The following NOL4L variants were observed in gnomAD, a reference collection of about 807,000 sequenced individuals.
NOL4L encodes nucleolar protein 4-like.
Under a neutral mutation model 64.5 loss-of-function variants are expected in NOL4L, and 7 were observed. The ratio of observed to expected loss-of-function variants is 0.11; its 90% CI spans 0.06 to 0.20. The LOEUF is 0.20. NOL4L is among the 10% of genes least tolerant of loss of function. NOL4L has a pLI of 1.00. For synonymous variants in NOL4L, 413 were observed against 401.0 expected (o/e 1.03, Z -0.36); for missense variants, 680 against 967.1 (o/e 0.70, Z 3.94).
At chr20:32,461,130 C>T (rs2014003723) in intron 5 of NOL4L, among the ~76,000 whole-genome samples, 1 of 152,216 alleles carries the variant, frequency 6.6e-6, no homozygotes, top group Admixed American at 6.5e-5. Flanking sequence ...CTCGGCCCCA[C>T]AAGCAGTGGA....
intron 4 of NOL4L, among the ~76,000 whole-genome samples, chr20:32,501,008 A>C (rs2016902718): frequency 6.6e-6 from 1 of 152,216 alleles, no homozygotes; most frequent in African/African-American, 2.4e-5. Context: ...TCACCCTAAA[A>C]AAGGCAGAAC....
chr20:32,578,384 C>A (rs1235361556), intron 1 of NOL4L, among the ~76,000 whole-genome samples: 4 of 152,058 alleles, frequency 2.6e-5, no homozygotes, highest in African/African-American at 9.7e-5. Flanking sequence ...ATGGGCCTAG[C>A]CTCGTTCTCT....
Position 32,527,869 on chromosome 20 carries a change from C to A in NOL4L, c.366G>T (p.Arg122=). ...LSEPEGISLK[R]VAVVEDFFDI... ...CAAAGAAATCTTCCACCACAGCGAC[C>A]CGCTTCAGAGAGATGCCCTCTGGCT... Residue 122 remains arginine, a synonymous_variant, in exon 2 of 11, where the codon CGG becomes CGT. Coordinates refer to ENST00000621426, the MANE Select transcript of NOL4L (RefSeq NM_001256798.2). 2.6e-6 allele frequency: 4 copies of A among 1,550,624 alleles called. No homozygotes were observed. The highest frequency in any genetic ancestry group is 2.6e-6 in the Non-Finnish European group (3 of 1,146,984).
At chr20:32,490,905 C>T (rs1445729241) in intron 4 of NOL4L, among the ~76,000 whole-genome samples, 1 of 152,220 alleles carries the variant, frequency 6.6e-6, no homozygotes, top group Non-Finnish European at 1.5e-5. Flanking sequence ...CACTGGCCTG[C>T]TGGCCTTATT....
At chr20:32,518,747 C>T (rs2017788909) in intron 3 of NOL4L, among the ~76,000 whole-genome samples, 1 of 152,230 alleles carries the variant, frequency 6.6e-6, no homozygotes, top group African/African-American at 2.4e-5. Flanking sequence ...CACTAGGACA[C>T]ACACCCCTGG....
chr20:32,536,769 A>G, intron 1 of NOL4L, among the ~76,000 whole-genome samples: 2 of 115,212 alleles, frequency 1.7e-5, no homozygotes, highest in African/African-American at 3.2e-5. Context: ...TGCAGGGGGG[A>G]CGGCTCCGCG....
intron 1 of NOL4L, among the ~76,000 whole-genome samples, chr20:32,534,754 G>C (rs1041251995): frequency 6.6e-6 from 1 of 151,586 alleles, no homozygotes; most frequent in Non-Finnish European, 1.5e-5. Flanking sequence ...GGCGGCATTC[G>C]ACTGTAGTCC....
chr20:32,576,749 C>G (rs1431642901), intron 1 of NOL4L, among the ~76,000 whole-genome samples: 1 of 152,162 alleles, frequency 6.6e-6, no homozygotes, highest in Non-Finnish European at 1.5e-5. Context: ...CCGCCCAGGC[C>G]AGGCCTGCAG....
At chr20:32,559,411 G>C (rs997764082) in intron 1 of NOL4L, among the ~76,000 whole-genome samples, 2 of 152,198 alleles carry the variant, frequency 1.3e-5, no homozygotes, top group African/African-American at 4.8e-5. Context: ...ATTCTCTTCA[G>C]GTCAGAGTCT....
intron 4 of NOL4L, among the ~76,000 whole-genome samples, chr20:32,475,504 GCTT>G (rs2145484726): frequency 1.3e-5 from 2 of 152,364 alleles, no homozygotes; most frequent in East Asian, 3.9e-4. Context: ...CTCGCTGCCG[GCTT>G]CGGGCCGGCC....
At chr20:32,467,351 G>A (rs1289998550) in intron 5 of NOL4L, among the ~76,000 whole-genome samples, 2 of 152,178 alleles carry the variant, frequency 1.3e-5, no homozygotes, top group East Asian at 3.9e-4. Flanking sequence ...ATGTGGGTGG[G>A]GAGGGAGGGA....
chr20:32,560,668 G>A (rs551500530), intron 1 of NOL4L, among the ~76,000 whole-genome samples: 1 of 152,352 alleles, frequency 6.6e-6, no homozygotes, highest in South Asian at 2.1e-4. Context: ...ACTGAGGCTG[G>A]CAAGGTGGGG....
chr20:32,584,133 G>GCGCACACACA (rs1555811186), intron 1 of NOL4L, among the ~76,000 whole-genome samples: 11 of 88,822 alleles, frequency 1.2e-4, no homozygotes, highest in East Asian at 4.2e-4. Context: ...CTCCGCGCGC[G>GCGCACACACA]CACACACACA....
intron 1 of NOL4L, 87 bp from the exon 2 acceptor site, chr20:32,528,000 C>T (rs952374229): frequency 7.6e-5 from 52 of 686,960 alleles, no homozygotes; most frequent in East Asian, 1.4e-4. Context: ...GGGGTCAGGA[C>T]GGGCAATGCC....
chr20:32,485,350 G>C (rs1050340348), intron 4 of NOL4L, among the ~76,000 whole-genome samples: 1 of 151,990 alleles, frequency 6.6e-6, no homozygotes, highest in Non-Finnish European at 1.5e-5. Context: ...GGTAAACAAG[G>C]CTCCCTCTAC....
At chr20:32,510,108 A>AC in intron 4 of NOL4L, 4 of 429,900 alleles carry the variant, frequency 9.3e-6, no homozygotes, top group Non-Finnish European at 1.7e-5. Context: ...TGGAAACCCA[A>AC]CCCAAGCCCA....
chr20:32,572,960 T>A (rs1017334188), intron 1 of NOL4L, among the ~76,000 whole-genome samples: 1 of 152,084 alleles, frequency 6.6e-6, no homozygotes, highest in Non-Finnish European at 1.5e-5. Context: ...TTGTTTCCGA[T>A]GCTGAGCACT....
chr20:32,488,793 T>TCCTTTCTTTCTTTC (rs1304215016), intron 4 of NOL4L, among the ~76,000 whole-genome samples: 7 of 26,896 alleles, frequency 2.6e-4, no homozygotes, highest in Middle Eastern at 0.018. Context: ...CTTCCTTCCT[T>TCCTTTCTTTCTTTC]TCTTTCTTTC....
intron 1 of NOL4L, among the ~76,000 whole-genome samples, chr20:32,561,601 G>A (rs1020470767): frequency 1.3e-5 from 2 of 152,082 alleles, no homozygotes; most frequent in African/African-American, 4.8e-5. Context: ...ACTGGGCCCT[G>A]GGGAACTGGC....
Sources: gnomAD v4.1 joint callset for allele counts (sites outside exome capture counted in the v4.1 genomes callset) on GRCh38, gnomAD v4.1.1 for gene constraint, MANE v1.5 for transcripts, NCBI Gene and HGNC (gene_info 2026-07-23, HGNC 2026-07-21) for gene names.